Variants in SMARCC1 observed in about 807,000 individuals in gnomAD.
SMARCC1 encodes the protein SWI/SNF related BAF chromatin remodeling complex subunit C1.
A neutral mutation model predicts 147.4 loss-of-function variants in SMARCC1; 43 were observed. The ratio of observed to expected loss-of-function variants is 0.29; its 90% CI spans 0.23 to 0.38. SMARCC1 has a LOEUF of 0.38. Among genes scored for constraint, SMARCC1 ranks in the 10% least tolerant of loss-of-function variants. The pLI is 1.00. For missense variants in SMARCC1, 1,119 were observed against 1,381.1 expected (o/e 0.81, Z 3.01); for synonymous variants, 495 against 484.4 (o/e 1.02, Z -0.29).
intron 26 of SMARCC1, among the ~76,000 whole-genome samples, chr3:47,597,877 G>A (rs2032316448): frequency 6.6e-6 from 1 of 152,234 alleles, no homozygotes; most frequent in African/African-American, 2.4e-5. Flanking sequence ...CTGGGAGTGT[G>A]AAGATGGGAT....
chr3:47,631,051 C>T (rs1440109915), intron 24 of SMARCC1, among the ~76,000 whole-genome samples: 1 of 150,460 alleles, frequency 6.6e-6, no homozygotes, highest in Admixed American at 6.6e-5. Context: ...GGCAACAGAG[C>T]AAGACCCTGA....
In SMARCC1 at chr3:47,673,396, G is replaced by A. The variant is rs1429588788; in HGVS notation, c.1839+2079C>T. 2.4e-3 allele frequency among the ~76,000 whole-genome samples: 70 copies of A among 29,408 alleles called. 3 individuals carry two copies. The highest frequency in any genetic ancestry group is 9.5e-3 in the South Asian group (6 of 634). 19.3% of individuals were successfully genotyped at this position (29,408 alleles called of 152,430 possible). On this transcript the variant is annotated intron_variant, in intron 18 of 27. Coordinates refer to ENST00000254480, the MANE Select transcript of SMARCC1 (RefSeq NM_003074.4). Reference sequence around the variant, plus strand: ...GCGAGACTCTGTCTCAAAAAAAAAAGGGTGGGGGGGGGGCAGGCCAGTGGC... The same window carrying A: ...GCGAGACTCTGTCTCAAAAAAAAAAAGGTGGGGGGGGGGCAGGCCAGTGGC...
At chr3:47,710,934 ATAC>A (rs2034076991) in intron 8 of SMARCC1, 126 bp from the exon 9 acceptor site, 2 of 607,762 alleles carry the variant, frequency 3.3e-6, no homozygotes, top group South Asian at 4.7e-5. Context: ...TAATAATGTG[ATAC>A]TACTAATGAT....
At chr3:47,655,911 A>G (rs2033254870) in intron 21 of SMARCC1, among the ~76,000 whole-genome samples, 1 of 152,086 alleles carries the variant, frequency 6.6e-6, no homozygotes, top group Non-Finnish European at 1.5e-5. Flanking sequence ...AATATACTAC[A>G]AATAATTACA....
intron 6 of SMARCC1, among the ~76,000 whole-genome samples, chr3:47,726,984 T>C (rs2034307519): frequency 6.6e-6 from 1 of 151,918 alleles, no homozygotes; most frequent in Non-Finnish European, 1.5e-5. Flanking sequence ...CTGAGGCGTT[T>C]GGATCACTTG....
intron 1 of SMARCC1, among the ~76,000 whole-genome samples, chr3:47,773,733 G>T (rs181673102): frequency 6.6e-6 from 1 of 151,834 alleles, no homozygotes; most frequent in African/African-American, 2.4e-5. Context: ...GAGTTCAAGC[G>T]ATTCTCCTCC....
At chr3:47,733,881 A>G in intron 5 of SMARCC1, among the ~76,000 whole-genome samples, 1 of 133,104 alleles carries the variant, frequency 7.5e-6, no homozygotes, top group Non-Finnish European at 1.7e-5. Context: ...AAAAAAAAAA[A>G]GGTATATATA....
chr3:47,777,771 A>C (rs912322864), intron 1 of SMARCC1, among the ~76,000 whole-genome samples: 2 of 150,980 alleles, frequency 1.3e-5, no homozygotes, highest in East Asian at 4.0e-4. Context: ...CAGGTGATCC[A>C]CCGGCCTCGG....
chr3:47,651,675 T>G (rs910111472), intron 21 of SMARCC1, among the ~76,000 whole-genome samples: 1 of 152,260 alleles, frequency 6.6e-6, no homozygotes, highest in Admixed American at 6.5e-5. Flanking sequence ...CTCATATCCT[T>G]GCAACCCTGC....
intron 6 of SMARCC1, among the ~76,000 whole-genome samples, chr3:47,722,118 A>C (rs2034239811): frequency 6.6e-6 from 1 of 151,784 alleles, no homozygotes; most frequent in Non-Finnish European, 1.5e-5. Flanking sequence ...GATCTTTCTA[A>C]ATCCCGACTA....
chr3:47,660,477 CAA>C (rs1446850869), intron 21 of SMARCC1, among the ~76,000 whole-genome samples: 1 of 111,476 alleles, frequency 9.0e-6, no homozygotes, highest in African/African-American at 3.5e-5. Flanking sequence ...AAAGTGGAAA[CAA>C]TAAAAATGTC....
chr3:47,657,244 C>T (rs546462421), intron 21 of SMARCC1, among the ~76,000 whole-genome samples: 1 of 152,280 alleles, frequency 6.6e-6, no homozygotes, highest in African/African-American at 2.4e-5. Context: ...ACTTGAACAA[C>T]CCTATCCAAT....
At position 47,680,193 on chromosome 3, in the gene SMARCC1, G is replaced by A. The variant is rs1166175927; in HGVS notation, c.1457+244C>T. The A allele has an allele frequency of 3.6e-5, 14 of 386,222 alleles. No individual in the cohort carries two copies. The East Asian group carries it at 8.3e-4, about 23-fold the overall frequency. 23.9% of individuals were successfully genotyped at this position (386,222 alleles called of 1,614,324 possible). A position where few individuals can be genotyped will look rare whatever the true frequency, so the allele number is the denominator to read the frequency against. On this transcript the variant is annotated intron_variant, in intron 15 of 27. Transcript: ENST00000254480. Reference sequence around the variant, plus strand: ...GCCAAGATCATGACACTGCACAACAGCCTGGGCAACAGAGTGAGACCCTGT... The same window carrying A: ...GCCAAGATCATGACACTGCACAACAACCTGGGCAACAGAGTGAGACCCTGT...
At chr3:47,723,368 T>G (rs2034258519) in intron 6 of SMARCC1, among the ~76,000 whole-genome samples, 2 of 144,926 alleles carry the variant, frequency 1.4e-5, no homozygotes, top group Admixed American at 6.9e-5. Context: ...TTTTTTTTTT[T>G]TTTTTTTTTT....
At chr3:47,667,221 G>A (rs2033431839) in intron 19 of SMARCC1, among the ~76,000 whole-genome samples, 1 of 152,004 alleles carries the variant, frequency 6.6e-6, no homozygotes, top group African/African-American at 2.4e-5. Context: ...GGGAGGCCGA[G>A]GCAGGAGAAT....
rs544890908 is a variant in SMARCC1, at chr3:47,718,973, C to T, written c.716+1693G>A. On this transcript the variant is annotated intron_variant, in intron 7 of 27. Coordinates refer to ENST00000254480, the MANE Select transcript of SMARCC1 (RefSeq NM_003074.4). ...TGTCACCCAGGCTGGACTGCAGTGG[C>T]GCAATCTCGGCTCACGGCAAGCTCC... Among the ~76,000 whole-genome samples the T allele has an allele frequency of 9.9e-5, 15 of 152,182 alleles. No homozygotes were observed. The South Asian group carries it at 2.9e-3, about 30-fold the overall frequency.
At chr3:47,682,250 G>C (rs1489222123) in intron 14 of SMARCC1, among the ~76,000 whole-genome samples, 1 of 148,186 alleles carries the variant, frequency 6.7e-6, no homozygotes, top group African/African-American at 2.5e-5. Context: ...AGCCGATATC[G>C]CGCCACTGCA....
Position 47,686,104 on chromosome 3 carries a change from C to G in SMARCC1, c.1330G>C (p.Glu444Gln). ...SVDLGEDNVT[E>Q]QTNHIIIPSY... ...GGAATAATAATGTGATTGGTCTGCT[C>G]TGTCACATTATCTTCCCCAAGGTCA... Residue 444 changes from glutamate to glutamine, a missense_variant, in exon 14 of 28, where the codon GAG (glutamate) becomes CAG (glutamine). Around this residue, in one of 6 missense-constraint regions of SMARCC1, gnomAD observed 542 missense variants for 611.8 expected, o/e 0.89. Coordinates refer to ENST00000254480, the MANE Select transcript of SMARCC1 (RefSeq NM_003074.4). The G allele has an allele frequency of 6.2e-7, 1 of 1,612,330 alleles. No homozygotes were observed. Among genetic ancestry groups the G allele is most frequent in the Non-Finnish European group, 8.5e-7 (1 of 1,178,444 alleles).
intron 26 of SMARCC1, among the ~76,000 whole-genome samples, chr3:47,597,412 C>T (rs959430655): frequency 1.3e-5 from 2 of 151,880 alleles, no homozygotes; most frequent in Non-Finnish European, 2.9e-5. Context: ...GTGCAATCTC[C>T]GCCTCCCGGG....
Sources: allele counts gnomAD v4.1 joint callset (sites outside exome capture counted in the v4.1 genomes callset), GRCh38; gene constraint gnomAD v4.1.1; regional missense constraint gnomAD v4.1.1; transcripts MANE v1.5; gene names NCBI Gene and HGNC (gene_info 2026-07-23, HGNC 2026-07-21).